LRP1B: variants seen among roughly 807,000 people sequenced by gnomAD.
LRP1B encodes low-density lipoprotein receptor-related protein 1B.
LRP1B carries 217 observed loss-of-function variants against 556.6 expected under a neutral mutation model. The ratio of observed to expected loss-of-function variants is 0.39; its 90% CI spans 0.35 to 0.44. The LOEUF is 0.44. Ranked by LOEUF, LRP1B falls within the 20% of genes least tolerant of loss-of-function variation. The pLI is 1.00. For missense variants in LRP1B, 5,053 were observed against 5,620.8 expected (o/e 0.90, Z 3.23); for synonymous variants, 2,047 against 1,865.8 (o/e 1.10, Z -2.50).
chr2:140,381,621 G>A (rs1683490802), intron 67 of LRP1B, among the ~76,000 whole-genome samples: 1 of 151,990 alleles, frequency 6.6e-6, no homozygotes, highest in Non-Finnish European at 1.5e-5. Context: ...CCAACATTTT[G>A]GGAGGTTGAG....
chr2:141,820,765 G>T (rs772127248), intron 1 of LRP1B, among the ~76,000 whole-genome samples: 1 of 152,170 alleles, frequency 6.6e-6, no homozygotes, highest in Non-Finnish European at 1.5e-5. Context: ...TTGAAACTAA[G>T]ATGGATCGAG....
intron 3 of LRP1B, among the ~76,000 whole-genome samples, chr2:141,460,623 A>G (rs1681831178): frequency 6.6e-6 from 1 of 152,200 alleles, no homozygotes; most frequent in Non-Finnish European, 1.5e-5. Context: ...AAGATAATAT[A>G]TTTATAACAA....
intron 43 of LRP1B, among the ~76,000 whole-genome samples, chr2:140,566,162 G>C (rs1681117421): frequency 6.6e-6 from 1 of 152,142 alleles, no homozygotes; most frequent in Non-Finnish European, 1.5e-5. Flanking sequence ...GCCCTGCCCA[G>C]TGTCCTGACA....
chr2:141,923,531 GTA>G (rs1700254899), intron 1 of LRP1B, among the ~76,000 whole-genome samples: 1 of 144,728 alleles, frequency 6.9e-6, no homozygotes, highest in Non-Finnish European at 1.5e-5. Flanking sequence ...GAGAAAGTAA[GTA>G]TATGTCTGTA....
intron 2 of LRP1B, among the ~76,000 whole-genome samples, chr2:141,591,360 T>C (rs200536679): frequency 1.8e-5 from 1 of 56,076 alleles, no homozygotes. Flanking sequence ...TTGTTGTTTG[T>C]TTGTTTTTTT....
rs78129885 is a variant in LRP1B at position 141,806,456 on chromosome 2, T to C, written c.205+3823A>G. Among the ~76,000 whole-genome samples the C allele has an allele frequency of 5.6e-3, 851 of 152,164 alleles. 8 individuals are homozygous for C. Among genetic ancestry groups the C allele is most frequent in the African/African-American group, 0.019 (806 of 41,536 alleles). On this transcript the variant is annotated intron_variant, in intron 2 of 90. Coordinates refer to ENST00000389484, the MANE Select transcript of LRP1B (RefSeq NM_018557.3). ...TATGCAGAAATAAAGGCTTTCATTTTTATGACTAAAAGTCCTTACCATATA... is the reference window on the plus strand; with the variant it reads ...TATGCAGAAATAAAGGCTTTCATTTCTATGACTAAAAGTCCTTACCATATA...
At chr2:141,042,444 T>A (rs7600033) in intron 11 of LRP1B, among the ~76,000 whole-genome samples, 14,944 of 152,152 alleles carry the variant, frequency 0.098, 812 homozygotes, top group African/African-American at 0.14. Context: ...TTGTTATTGA[T>A]CTTAGTAATA....
intron 7 of LRP1B, among the ~76,000 whole-genome samples, chr2:141,144,364 TAA>T (rs1201248143): frequency 6.6e-6 from 1 of 152,186 alleles, no homozygotes; most frequent in Non-Finnish European, 1.5e-5. Context: ...ATGAAAAATA[TAA>T]CTCTTAGATG....
At chr2:141,297,164 CAT>C (rs911627016) in intron 3 of LRP1B, among the ~76,000 whole-genome samples, 1 of 152,156 alleles carries the variant, frequency 6.6e-6, no homozygotes, top group African/African-American at 2.4e-5. Flanking sequence ...CTGCTGTCAA[CAT>C]ATGAGTGCAT....
chr2:141,624,757 T>A (rs1043363558), intron 2 of LRP1B, among the ~76,000 whole-genome samples: 7 of 152,142 alleles, frequency 4.6e-5, no homozygotes, highest in African/African-American at 1.7e-4. Flanking sequence ...AATTTATTTA[T>A]GTATTTATTT....
chr2:140,623,667 C>A (rs966470526), intron 41 of LRP1B, among the ~76,000 whole-genome samples: 6 of 151,704 alleles, frequency 4.0e-5, no homozygotes, highest in Admixed American at 3.3e-4. Context: ...TCCTGTAATC[C>A]CAGCACTTTG....
At chr2:141,719,390 CAGGT>C (rs1558826472) in intron 2 of LRP1B, among the ~76,000 whole-genome samples, 1 of 152,030 alleles carries the variant, frequency 6.6e-6, no homozygotes, top group East Asian at 1.9e-4. Flanking sequence ...ATAGGAAGCT[CAGGT>C]AGGTCAGTAA....
In LRP1B at chr2:141,932,105, G is replaced by A. The variant is rs140037048; in HGVS notation, c.83-121704C>T. Among the ~76,000 whole-genome samples the A allele has an allele frequency of 4.6e-3, 698 of 152,040 alleles. 6 individuals carry two copies. Among genetic ancestry groups the A allele is most frequent in the African/African-American group, 0.016 (679 of 41,506 alleles). On this transcript the variant is annotated intron_variant, in intron 1 of 90. Transcript: ENST00000389484. Reference sequence around the variant, plus strand: ...AAAGATAAATTTACCTCATTTCTTTGAATGAGCAAAAGATAAAGTGAGCAA... The same window carrying A: ...AAAGATAAATTTACCTCATTTCTTTAAATGAGCAAAAGATAAAGTGAGCAA...
At position 140,605,407 on chromosome 2, in the gene LRP1B, A is replaced by G. The variant is rs1004838213; in HGVS notation, c.6800-3768T>C. Among the ~76,000 whole-genome samples the G allele has an allele frequency of 2.6e-5, 4 of 152,148 alleles. No homozygotes were observed. In the East Asian group the frequency reaches 7.7e-4, roughly 29 times the overall value. On this transcript the variant is annotated intron_variant, in intron 41 of 90. Coordinates refer to ENST00000389484, the MANE Select transcript of LRP1B (RefSeq NM_018557.3). ...AGATCTGATGTTGAACTCTTTACAAATAGTACACATAACTGTGCTCTACTT... is the reference window on the plus strand; with the variant it reads ...AGATCTGATGTTGAACTCTTTACAAGTAGTACACATAACTGTGCTCTACTT...
intron 52 of LRP1B, among the ~76,000 whole-genome samples, 183 bp from the exon 53 acceptor site, chr2:140,507,101 T>A (rs1383325438): frequency 6.6e-6 from 1 of 152,204 alleles, no homozygotes. Flanking sequence ...TATATTAGAA[T>A]GTCTGAATAT....
chr2:141,719,060 C>G (rs934783212), intron 2 of LRP1B, among the ~76,000 whole-genome samples: 4 of 152,040 alleles, frequency 2.6e-5, no homozygotes, highest in Non-Finnish European at 4.4e-5. Flanking sequence ...CTTTCCCCCC[C>G]ACCAAGATTT....
chr2:140,671,966 G>C (rs971183448), intron 41 of LRP1B, among the ~76,000 whole-genome samples: 23 of 152,040 alleles, frequency 1.5e-4, no homozygotes, highest in African/African-American at 5.3e-4. Flanking sequence ...ATCAACTCAA[G>C]TCCAAAATCT....
intron 1 of LRP1B, among the ~76,000 whole-genome samples, chr2:141,823,035 G>A (rs1413765847): frequency 1.3e-5 from 2 of 152,168 alleles, no homozygotes; most frequent in Non-Finnish European, 2.9e-5. Flanking sequence ...CTACCCAGCA[G>A]CAGTTTTCAC....
At chr2:141,367,176 C>A (rs1689070136) in intron 3 of LRP1B, among the ~76,000 whole-genome samples, 1 of 152,102 alleles carries the variant, frequency 6.6e-6, no homozygotes, top group Non-Finnish European at 1.5e-5. Flanking sequence ...AGTACAACTT[C>A]CTTATTTATA....
Sources: allele counts gnomAD v4.1 joint callset (sites outside exome capture counted in the v4.1 genomes callset), GRCh38; gene constraint gnomAD v4.1.1; transcripts MANE v1.5; gene names NCBI Gene and HGNC (gene_info 2026-07-23, HGNC 2026-07-21).